The following KRI1 variants were observed in gnomAD, a reference collection of about 807,000 sequenced individuals.
KRI1 encodes protein KRI1 homolog.
A neutral mutation model predicts 97.0 loss-of-function variants in KRI1; 83 were observed. The ratio of observed to expected loss-of-function variants is 0.86; its 90% CI spans 0.72 to 1.03. The LOEUF is 1.03. Among genes scored for constraint, KRI1 ranks in the 50% least tolerant of loss-of-function variants. The pLI is 0.00. For missense variants in KRI1, 916 were observed against 928.4 expected (o/e 0.99, Z 0.17); for synonymous variants, 371 against 363.5 (o/e 1.02, Z -0.23).
chr19:10,562,142 A>G (rs761014225), intron 4 of KRI1, among the ~76,000 whole-genome samples: 4 of 150,844 alleles, frequency 2.7e-5, no homozygotes, highest in Non-Finnish European at 4.4e-5. Flanking sequence ...TCCACCTCCC[A>G]GATTCAAGCG....
chr19:10,565,966 C>T lies in KRI1; in HGVS notation c.34G>A (p.Val12Met), dbSNP rs1393730355. The T allele has an allele frequency of 6.5e-7, 1 of 1,527,816 alleles. No homozygotes were observed. Among genetic ancestry groups the T allele is most frequent in the Non-Finnish European group, 8.8e-7 (1 of 1,140,962 alleles). The allele number at this position is 1,527,816 out of a possible 1,614,324, so 94.6% of individuals were successfully genotyped here. ...TACCGCGCGGCAAACGCCGCGTTCA[C>T]CCGCAGCTGCGACGACCCGCGCGGT... ...PEPRGSSQLR[V>M]NAAFAARYNR... Residue 12 changes from valine (V) to methionine (M), a missense_variant, in exon 1 of 19, where the codon GTG becomes ATG. Physicochemically the swap from Val to Met is conservative, Grantham distance 21. This residue lies in a region of KRI1 where 173 missense variants were observed against 153.1 expected (regional missense o/e 1.13). Coordinates refer to ENST00000312962, the MANE Select transcript of KRI1 (RefSeq NM_023008.5).
At chr19:10,561,292 G>A in intron 6 of KRI1, 27 bp from the exon 7 acceptor site, 4 of 1,602,758 alleles carry the variant, frequency 2.5e-6, no homozygotes, top group East Asian at 2.2e-5. Context: ...ACAAGCCTCA[G>A]GACAGGCAGG....
intron 8 of KRI1, among the ~76,000 whole-genome samples, 186 bp from the exon 9 acceptor site, chr19:10,560,634 T>G (rs1267751862): frequency 1.3e-5 from 2 of 152,172 alleles, no homozygotes; most frequent in Non-Finnish European, 2.9e-5. Context: ...CGTGTGATCA[T>G]AGCTCACTGC....
chr19:10,564,502 A>G (rs1377585495), intron 3 of KRI1, among the ~76,000 whole-genome samples: 1 of 151,672 alleles, frequency 6.6e-6, no homozygotes, highest in Non-Finnish European at 1.5e-5. Context: ...ATGTTGGCCA[A>G]ACTGGTCTCA....
rs953145274 is a variant in KRI1 at position 10,554,982 on chromosome 19, G to T, written c.1781+105C>A. ...TTCGAACCCAGGTCTCAGAGCGGGGGGCGCTGCATTCCCAAAGTCATGCAA... is the reference window on the plus strand; with the variant it reads ...TTCGAACCCAGGTCTCAGAGCGGGGTGCGCTGCATTCCCAAAGTCATGCAA... On this transcript the variant is annotated intron_variant, in intron 18 of 18. Coordinates refer to ENST00000312962, the MANE Select transcript of KRI1 (RefSeq NM_023008.5). 1.3e-5 allele frequency: 11 copies of T among 868,324 alleles called. No homozygotes were observed. In the African/African-American group the frequency reaches 1.7e-4, roughly 13 times the overall value. 53.8% of individuals were successfully genotyped at this position (868,324 alleles called of 1,614,324 possible). A position where few individuals can be genotyped will look rare whatever the true frequency, so the allele number is the denominator to read the frequency against.
chr19:10,561,275 A>G lies in KRI1; in HGVS notation c.489-10T>C. On this transcript the variant is annotated splice_polypyrimidine_tract_variant and intron_variant, in intron 6 of 18. Transcript: ENST00000312962. ...CACAAATGCCCGGAAGCTGCCCACG[A>G]GAGAAAACAAGCCTCAGGACAGGCA... is the stretch of plus-strand genomic sequence containing the variant. 1.9e-6 allele frequency: 3 copies of G among 1,613,336 alleles called. No individual in the cohort carries two copies. Among genetic ancestry groups the G allele is most frequent in the South Asian group, 1.1e-5 (1 of 91,064 alleles).
intron 12 of KRI1, 98 bp downstream of exon 12, chr19:10,559,261 T>TC: frequency 7.3e-7 from 1 of 1,378,288 alleles, no homozygotes; most frequent in Non-Finnish European, 1.0e-6. Context: ...TGCCTTAGCC[T>TC]CCCAAAGTGC....
At chr19:10,554,578 CT>C (rs1916435743) in intron 18 of KRI1, among the ~76,000 whole-genome samples, 2 of 152,236 alleles carry the variant, frequency 1.3e-5, no homozygotes, top group Admixed American at 1.3e-4. Flanking sequence ...CAAGGTCTTG[CT>C]GTGTCGCCCA....
chr19:10,562,760 A>G lies in KRI1; in HGVS notation c.352T>C (p.Tyr118His). 1 of 1,610,148 alleles carries G rather than the reference A, an allele frequency of 6.2e-7. No homozygotes were observed. ...KKVRPMYLKD[Y>H]ERKVILEKAG... ...TTCTCCAAGATAACCTTCCTCTCGT[A>G]GTCCTTCAGGTACATGGGCCGCACT... The change falls in exon 4 of 19, where the codon TAC (tyrosine) becomes CAC (histidine). Residue 118 changes from tyrosine (Y) to histidine (H), a missense_variant. Around this residue, in one of 3 missense-constraint regions of KRI1, gnomAD observed 71 missense variants for 108.1 expected, o/e 0.66. Transcript: ENST00000312962.
At position 10,555,352 on chromosome 19, in the gene KRI1, G is replaced by C. The variant is rs773480567; in HGVS notation, c.1618-3C>G. On this transcript the variant is annotated splice_polypyrimidine_tract_variant and splice_region_variant and intron_variant, in intron 16 of 18. Transcript: ENST00000312962. ...TCCTTATCGTCAGCAGCGAGGATCT[G>C]CGTGGGAAGGGAGAGTGGGGACCTG... The C allele has an allele frequency of 6.2e-7, 1 of 1,608,706 alleles. No homozygotes were observed. Among genetic ancestry groups the C allele is most frequent in the Non-Finnish European group, 8.5e-7 (1 of 1,177,710 alleles).
rs759239616 is a variant in KRI1 at position 10,553,924 on chromosome 19, C to T, written c.*27G>A. 13 of 1,532,210 alleles carry T rather than the reference C, an allele frequency of 8.5e-6. No homozygotes were observed. The highest frequency in any genetic ancestry group is 2.1e-5 in the Admixed American group (1 of 47,250). The allele number at this position is 1,532,210 out of a possible 1,614,324, so 94.9% of individuals were successfully genotyped here. On this transcript the variant is annotated 3_prime_UTR_variant, in exon 19 of 19. Transcript: ENST00000312962. ...CAGGGCTTGATTTGAGGAGAGGAGC[C>T]TGAGGCCCCTGCCTGCTCCCTGGTG...
At position 10,565,711 on chromosome 19, in the gene KRI1, G is replaced by A. The variant is rs1373804016; in HGVS notation, c.168+6C>T. 3 of 1,562,380 alleles carry A rather than the reference G, an allele frequency of 1.9e-6. No individual in the cohort carries two copies. Among genetic ancestry groups the A allele is most frequent in the Non-Finnish European group, 1.7e-6 (2 of 1,154,792 alleles). Reference sequence around the variant, plus strand: ...CGCACGTCCAGGACGGGGCGGGGACGCGCACCACGCGCTCGTCGCTTGAGT... The same window carrying A: ...CGCACGTCCAGGACGGGGCGGGGACACGCACCACGCGCTCGTCGCTTGAGT... On this transcript the variant is annotated splice_donor_region_variant and intron_variant, in intron 2 of 18. Coordinates refer to ENST00000312962, the MANE Select transcript of KRI1 (RefSeq NM_023008.5).
intron 2 of KRI1, 138 bp downstream of exon 2, chr19:10,565,579 A>T: frequency 8.9e-7 from 1 of 1,122,218 alleles, no homozygotes; most frequent in Non-Finnish European, 1.2e-6. Context: ...TCTGTCCCTC[A>T]TGGGATGGGG....
chr19:10,554,404 A>C, intron 18 of KRI1, 123 bp from the exon 19 acceptor site: 1 of 815,828 alleles, frequency 1.2e-6, no homozygotes, highest in South Asian at 1.7e-5. Context: ...ACAGCGACCG[A>C]GGGCCTGCCT....
intron 9 of KRI1, 149 bp downstream of exon 9, chr19:10,560,163 C>G (rs1456917492): frequency 7.4e-7 from 1 of 1,352,656 alleles, no homozygotes; most frequent in South Asian, 1.5e-5. Flanking sequence ...AGCCTATACT[C>G]TGTGGCTCTG....
chr19:10,558,209 C>T lies in KRI1; in HGVS notation c.1225G>A (p.Val409Met), dbSNP rs200203921. ...KCFGDEYYGAVEEEKPQFEEE... is the reference protein window; with the variant it reads ...KCFGDEYYGAMEEEKPQFEEE... ...TCAAATTGTGGCTTCTCCTCCTCCACGGCCCCGTAGTACTCGTCCCCAAAG... is the reference window on the plus strand; with the variant it reads ...TCAAATTGTGGCTTCTCCTCCTCCATGGCCCCGTAGTACTCGTCCCCAAAG... The change falls in exon 13 of 19, where the codon GTG (valine) becomes ATG (methionine). Residue 409 changes from valine (V) to methionine (M), a missense_variant. By Grantham distance (21) the Val-to-Met change is conservative. Coordinates refer to ENST00000312962, the MANE Select transcript of KRI1 (RefSeq NM_023008.5). The T allele has an allele frequency of 2.7e-5, 43 of 1,614,126 alleles. No homozygotes were observed. In the East Asian group the frequency reaches 3.6e-4, roughly 13 times the overall value.
At chr19:10,560,550 C>T (rs972987992) in intron 8 of KRI1, 102 bp from the exon 9 acceptor site, 1 of 809,860 alleles carries the variant, frequency 1.2e-6, no homozygotes, top group African/African-American at 1.7e-5. Flanking sequence ...GAGTAGGTGA[C>T]ATTAGCCCCA....
rs1167455074 is a variant in KRI1, at chr19:10,559,338, G to A, written c.1194+21C>T. ...GTTTGTGTGAACTCAGCGTCATGTT[G>A]GGCCGGGATGAGGGCCGCACCTGCA... On this transcript the variant is annotated intron_variant, in intron 12 of 18. Transcript: ENST00000312962. The A allele has an allele frequency of 1.9e-6, 3 of 1,607,226 alleles. No individual in the cohort carries two copies. The South Asian group carries it at 3.3e-5, about 18-fold the overall frequency.
At chr19:10,559,572 CAG>C in intron 11 of KRI1, 39 bp downstream of exon 11, 1 of 1,613,848 alleles carries the variant, frequency 6.2e-7, no homozygotes, top group East Asian at 2.2e-5. Flanking sequence ...GGCTTTCCTC[CAG>C]GGCTGGGGGG....
Sources: gnomAD v4.1 joint callset for allele counts (sites outside exome capture counted in the v4.1 genomes callset) on GRCh38, gnomAD v4.1.1 for gene constraint, gnomAD v4.1.1 regional missense constraint, MANE v1.5 for transcripts, NCBI Gene and HGNC (gene_info 2026-07-23, HGNC 2026-07-21) for gene names.